APBA2: variants seen among roughly 807,000 people sequenced by gnomAD.
APBA2 encodes amyloid-beta A4 precursor protein-binding family A member 2.
In APBA2, 30 loss-of-function variants were observed where a neutral mutation model predicts 75.0. That is an observed-to-expected ratio of 0.40 (90% confidence interval 0.30 to 0.54). The LOEUF is 0.54. Ranked by LOEUF, APBA2 falls within the 20% of genes least tolerant of loss-of-function variation. The pLI is 0.49. For synonymous variants in APBA2, 444 were observed against 409.6 expected (o/e 1.08, Z -1.01); for missense variants, 801 against 1,016.1 (o/e 0.79, Z 2.88).
At chr15:28,972,979 C>T (rs2037147224) in intron 2 of APBA2, among the ~76,000 whole-genome samples, 1 of 152,176 alleles carries the variant, frequency 6.6e-6, no homozygotes. Flanking sequence ...ATTACTTATG[C>T]TTTAATAAAC....
intron 7 of APBA2, 37 bp downstream of exon 7, chr15:29,093,257 A>G (rs1239451519): frequency 1.9e-6 from 3 of 1,612,164 alleles, no homozygotes; most frequent in African/African-American, 1.3e-5. Flanking sequence ...GGATGCCCGC[A>G]CACTTTGGGG....
At chr15:29,001,893 C>G (rs1387681155) in intron 3 of APBA2, among the ~76,000 whole-genome samples, 3 of 152,120 alleles carry the variant, frequency 2.0e-5, no homozygotes, top group African/African-American at 7.2e-5. Flanking sequence ...AGAAGTTAGC[C>G]ATTTCTGTAT....
chr15:29,091,621 G>T (rs1054234460), intron 6 of APBA2, among the ~76,000 whole-genome samples: 4 of 152,196 alleles, frequency 2.6e-5, no homozygotes, highest in African/African-American at 9.7e-5. Context: ...CCAGCCTCAG[G>T]TCCAGAGAAA....
chr15:29,041,504 A>G (rs893795231), intron 3 of APBA2, among the ~76,000 whole-genome samples: 1 of 151,540 alleles, frequency 6.6e-6, no homozygotes, highest in African/African-American at 2.4e-5. Context: ...AAAAAAAGCA[A>G]TTATTAAAAA....
chr15:29,083,227 T>C (rs779879689), intron 6 of APBA2, among the ~76,000 whole-genome samples: 32 of 152,224 alleles, frequency 2.1e-4, no homozygotes, highest in Non-Finnish European at 3.5e-4. Context: ...TAGCCAGTTA[T>C]GCCAGAACTA....
chr15:28,986,624 G>A (rs1213915577), intron 2 of APBA2, among the ~76,000 whole-genome samples: 1 of 148,288 alleles, frequency 6.7e-6, no homozygotes. Flanking sequence ...GTGCCACCAC[G>A]CCTGGCTAAT....
intron 3 of APBA2, among the ~76,000 whole-genome samples, chr15:28,998,214 T>C (rs1268939825): frequency 4.0e-5 from 6 of 151,624 alleles, no homozygotes; most frequent in Admixed American, 3.9e-4. Context: ...TTTTTTTTTT[T>C]TTGAGAATTA....
chr15:28,930,598 C>G (rs960480379), intron 2 of APBA2, among the ~76,000 whole-genome samples: 1 of 152,092 alleles, frequency 6.6e-6, no homozygotes, highest in African/African-American at 2.4e-5. Flanking sequence ...CTTTCTTTGC[C>G]TCTGTTTTTG....
chr15:29,064,634 A>G (rs2042296659), intron 4 of APBA2, among the ~76,000 whole-genome samples: 1 of 152,072 alleles, frequency 6.6e-6, no homozygotes, highest in Non-Finnish European at 1.5e-5. Flanking sequence ...TGTCCTCAGC[A>G]TGGAAGGGGC....
At chr15:29,051,298 G>C (rs1033001377) in intron 3 of APBA2, among the ~76,000 whole-genome samples, 2 of 152,156 alleles carry the variant, frequency 1.3e-5, no homozygotes, top group African/African-American at 2.4e-5. Context: ...TGTCCTGCCA[G>C]TTTCAGGGTT....
At chr15:28,923,997 G>T (rs148258849) in intron 2 of APBA2, among the ~76,000 whole-genome samples, 1 of 152,320 alleles carries the variant, frequency 6.6e-6, no homozygotes, top group Non-Finnish European at 1.5e-5. Context: ...ATGCAGAAAG[G>T]CTGTGACCCC....
rs372878905 is a variant in APBA2 at position 29,058,155 on chromosome 15, CTTCTTCCCT to C, written c.951+3321_951+3329del. Reference sequence around the variant, plus strand: ...ACAGAGGGATTTAATTGGATGTTTCCTTCTTCCCTGTCTGGGTAGATGTATTCACAGAGG... The same window carrying C: ...ACAGAGGGATTTAATTGGATGTTTCCGTCTGGGTAGATGTATTCACAGAGG... On this transcript the variant is annotated intron_variant, in intron 4 of 14. Coordinates refer to ENST00000683413, the MANE Select transcript of APBA2 (RefSeq NM_001353788.2). 5.3e-3 allele frequency among the ~76,000 whole-genome samples: 809 copies of C among 152,284 alleles called. 7 individuals are homozygous for C. Among genetic ancestry groups the C allele is most frequent in the African/African-American group, 0.019 (769 of 41,546 alleles).
chr15:29,080,417 G>A (rs906836836), intron 6 of APBA2, among the ~76,000 whole-genome samples: 2 of 152,132 alleles, frequency 1.3e-5, no homozygotes, highest in Non-Finnish European at 2.9e-5. Context: ...GAGCGTTCCA[G>A]ATGCCAGAGC....
chr15:29,056,394 A>G (rs1412342568), intron 4 of APBA2, among the ~76,000 whole-genome samples: 1 of 152,156 alleles, frequency 6.6e-6, no homozygotes, highest in Non-Finnish European at 1.5e-5. Flanking sequence ...CAGAAGAGGC[A>G]TTGAATGAAA....
intron 2 of APBA2, chr15:28,990,862 T>A (rs913875164): frequency 1.1e-4 from 16 of 152,224 alleles, no homozygotes; most frequent in African/African-American, 3.6e-4. Context: ...TATTACTAAG[T>A]AATTTTAATG....
chr15:28,980,103 G>A (rs1431873820), intron 2 of APBA2, among the ~76,000 whole-genome samples: 6 of 152,210 alleles, frequency 3.9e-5, no homozygotes, highest in African/African-American at 9.6e-5. Flanking sequence ...TAAACACTTG[G>A]TAGATTCAGC....
At position 29,054,932 on chromosome 15, in the gene APBA2, G is replaced by A. The variant is rs1413552131; in HGVS notation, c.951+97G>A. The stretch of plus-strand genomic sequence containing the variant: ...GCAGATGCTGAAGCGAGGCGGTGGG[G>A]GGTGCTGGGTGCCTCACAGTTCTAA... On this transcript the variant is annotated intron_variant, in intron 4 of 14. Coordinates refer to ENST00000683413, the MANE Select transcript of APBA2 (RefSeq NM_001353788.2). The surrounding 1 kb of genome is among the most constrained non-coding windows in gnomAD (Gnocchi z 6.1). 5.1e-6 allele frequency: 6 copies of A among 1,182,754 alleles called. No individual in the cohort carries two copies. In the African/African-American group the frequency reaches 6.2e-5, roughly 12 times the overall value. 73.3% of individuals were successfully genotyped at this position (1,182,754 alleles called of 1,614,324 possible).
At chr15:29,116,217 C>T (rs2045119711) in intron 14 of APBA2, among the ~76,000 whole-genome samples, 1 of 152,132 alleles carries the variant, frequency 6.6e-6, no homozygotes, top group Non-Finnish European at 1.5e-5. Flanking sequence ...CGAGGCCAGG[C>T]CCCAAAGGGT....
At chr15:29,109,421 A>G (rs1209513441) in intron 13 of APBA2, among the ~76,000 whole-genome samples, 1 of 152,026 alleles carries the variant, frequency 6.6e-6, no homozygotes, top group African/African-American at 2.4e-5. Flanking sequence ...TTCATGCTGC[A>G]GTTTAATTTG....
Sources: allele counts gnomAD v4.1 joint callset (sites outside exome capture counted in the v4.1 genomes callset), GRCh38; gene constraint gnomAD v4.1.1; non-coding constraint Gnocchi (gnomAD v3.1); transcripts MANE v1.5; gene names NCBI Gene and HGNC (gene_info 2026-07-23, HGNC 2026-07-21).